The following KIF13B variants were observed in gnomAD, a reference collection of about 807,000 sequenced individuals.
KIF13B encodes the protein kinesin-like protein KIF13B.
Under a neutral mutation model 222.0 loss-of-function variants are expected in KIF13B, and 127 were observed. That is an observed-to-expected ratio of 0.57 (90% CI 0.50 to 0.66). The LOEUF (loss-of-function observed/expected upper bound fraction) is 0.66. Ranked by LOEUF, KIF13B falls within the 30% of genes least tolerant of loss-of-function variation. KIF13B has a pLI of 0.00. For synonymous variants in KIF13B, 976 were observed against 919.0 expected (o/e 1.06, Z -1.12); for missense variants, 2,173 against 2,379.0 (o/e 0.91, Z 1.80).
intron 29 of KIF13B, among the ~76,000 whole-genome samples, chr8:29,119,716 G>A (rs1240185639): frequency 6.6e-6 from 1 of 152,092 alleles, no homozygotes; most frequent in Admixed American, 6.6e-5. Context: ...TCACCCTCAG[G>A]CGCCAAGTTC....
chr8:29,092,683 C>T (rs949839904), intron 37 of KIF13B, 62 bp downstream of exon 37: 112 of 1,500,470 alleles, frequency 7.5e-5, no homozygotes, highest in South Asian at 7.1e-4. Flanking sequence ...CCAGCTTTGG[C>T]GCAACACAGA....
chr8:29,254,948 G>A (rs1056081331), intron 1 of KIF13B, among the ~76,000 whole-genome samples: 2 of 152,198 alleles, frequency 1.3e-5, no homozygotes, highest in Non-Finnish European at 2.9e-5. Context: ...ACAGAATGTT[G>A]TTCAGCTATA....
chr8:29,248,214 A>C (rs753083252), intron 1 of KIF13B, among the ~76,000 whole-genome samples: 11 of 152,226 alleles, frequency 7.2e-5, no homozygotes, highest in Non-Finnish European at 8.8e-5. Flanking sequence ...ATGAGAACAC[A>C]AAACTTGTAC....
Position 29,070,631 on chromosome 8 carries a change from G to C in KIF13B, c.5354C>G (p.Ala1785Gly). The part of the protein sequence containing the change: ...RRRSTGLRLG[A>G]PEARRSATLS... ...GGTGGCGCTCCGGCGGGCCTCGGGG[G>C]CACCCAGCCGGAGTCCTGTGCTGCG... Residue 1785 changes from alanine (A) to glycine (G), a missense_variant, in exon 40 of 40, where the codon GCC (alanine) becomes GGC (glycine). Physicochemically the swap from Ala to Gly is moderately conservative, Grantham distance 60 (BLOSUM62 0). Transcript: ENST00000524189. This position sits in a 1 kb window ranked among gnomAD's most constrained non-coding sequence, Gnocchi z 4.1. 6.4e-7 allele frequency: 1 copy of C among 1,571,424 alleles called. No homozygotes were observed. Among genetic ancestry groups the C allele is most frequent in the Non-Finnish European group, 8.6e-7 (1 of 1,158,216 alleles).
At position 29,142,314 on chromosome 8, in the gene KIF13B, A is replaced by G. The variant is rs889527066; in HGVS notation, c.2188-11T>C. The G allele has an allele frequency of 6.2e-7, 1 of 1,606,420 alleles. No individual in the cohort carries two copies. The highest frequency in any genetic ancestry group is 8.5e-7 in the Non-Finnish European group (1 of 1,176,148). ...AAGAAGAGAGCCTCGCTGCAAAGAG[A>G]GTAAGAATGACCGTGAGAAACACAC... On this transcript the variant is annotated splice_polypyrimidine_tract_variant and intron_variant, in intron 18 of 39. Coordinates refer to ENST00000524189, the MANE Select transcript of KIF13B (RefSeq NM_015254.4).
At chr8:29,203,784 C>T (rs1813803823) in intron 2 of KIF13B, among the ~76,000 whole-genome samples, 1 of 150,546 alleles carries the variant, frequency 6.6e-6, no homozygotes, top group Admixed American at 6.7e-5. Context: ...ATCCCAGCTA[C>T]TCAGGAGGCT....
At chr8:29,106,000 C>T (rs746185788) in intron 35 of KIF13B, among the ~76,000 whole-genome samples, 6 of 152,100 alleles carry the variant, frequency 3.9e-5, no homozygotes, top group Non-Finnish European at 5.9e-5. Flanking sequence ...TTTCAAGGAA[C>T]TTATAATTGG....
intron 10 of KIF13B, among the ~76,000 whole-genome samples, chr8:29,168,313 C>T (rs1438365694): frequency 6.6e-6 from 1 of 152,184 alleles, no homozygotes; most frequent in Non-Finnish European, 1.5e-5. Context: ...GAAAAACCAC[C>T]CTCACTTGAG....
intron 2 of KIF13B, among the ~76,000 whole-genome samples, chr8:29,233,874 G>A (rs185254764): frequency 1.3e-5 from 2 of 152,108 alleles, no homozygotes; most frequent in East Asian, 3.9e-4. Flanking sequence ...GTGTGTGTGT[G>A]TATTTTAATT....
intron 38 of KIF13B, among the ~76,000 whole-genome samples, chr8:29,073,153 GAGGAGGGGGA>G (rs1807391369): frequency 7.6e-6 from 1 of 132,214 alleles, no homozygotes; most frequent in Non-Finnish European, 1.6e-5. Context: ...GGAGGGGGAC[GAGGAGGGGGA>G]TGAGGAGGGG....
At chr8:29,167,239 A>G (rs1212368715) in intron 11 of KIF13B, 134 bp downstream of exon 11, 4 of 640,640 alleles carry the variant, frequency 6.2e-6, no homozygotes, top group African/African-American at 3.7e-5. Flanking sequence ...ACTCATCCCA[A>G]AGTTCTCTTG....
intron 2 of KIF13B, among the ~76,000 whole-genome samples, chr8:29,199,601 A>G (rs1813601889): frequency 6.6e-6 from 1 of 151,146 alleles, no homozygotes; most frequent in Admixed American, 6.6e-5. Context: ...AAAAAGAAAG[A>G]AATCCAAATC....
At chr8:29,239,928 G>A (rs1437109647) in intron 2 of KIF13B, among the ~76,000 whole-genome samples, 1 of 151,328 alleles carries the variant, frequency 6.6e-6, no homozygotes, top group Non-Finnish European at 1.5e-5. Context: ...CTCTCAAACT[G>A]CTGGGATTAC....
At chr8:29,259,745 G>A (rs550026852) in intron 1 of KIF13B, among the ~76,000 whole-genome samples, 5 of 152,250 alleles carry the variant, frequency 3.3e-5, no homozygotes, top group East Asian at 1.9e-4. Flanking sequence ...TGTTCTGTGC[G>A]GCACATGGAA....
Position 29,140,472 on chromosome 8 carries a change from C to T in KIF13B, c.2480G>A (p.Gly827Glu), listed in dbSNP as rs759577444. The T allele has an allele frequency of 5.6e-6, 9 of 1,613,348 alleles. No homozygotes were observed. The highest frequency in any genetic ancestry group is 6.8e-6 in the Non-Finnish European group (8 of 1,179,578). The change falls in exon 20 of 40, where the codon GGA becomes GAA. Residue 827 changes from glycine to glutamate, a missense_variant. Around this residue, in one of 2 missense-constraint regions of KIF13B, gnomAD observed 1,480 missense variants for 1,722.8 expected, o/e 0.86. Coordinates refer to ENST00000524189, the MANE Select transcript of KIF13B (RefSeq NM_015254.4). ...QYAVPIINQKGEVAGRLHVEV... is the reference protein window; with the variant it reads ...QYAVPIINQKEEVAGRLHVEV... ...AGGCATGAAGAGAAAACCAACCTCT[C>T]CTTTCTGGTTGATGATGGGAACAGC...
chr8:29,222,100 A>G (rs1041348275), intron 2 of KIF13B, among the ~76,000 whole-genome samples: 5 of 152,138 alleles, frequency 3.3e-5, no homozygotes, highest in African/African-American at 1.2e-4. Flanking sequence ...CAATCCCAGT[A>G]CTTTGGGAGG....
intron 1 of KIF13B, among the ~76,000 whole-genome samples, chr8:29,257,804 C>A (rs1334929661): frequency 6.6e-6 from 1 of 151,736 alleles, no homozygotes; most frequent in Non-Finnish European, 1.5e-5. Flanking sequence ...AGAGGGAGAC[C>A]CTGTCTCAAA....
At chr8:29,235,751 T>C (rs1468328585) in intron 2 of KIF13B, among the ~76,000 whole-genome samples, 1 of 152,178 alleles carries the variant, frequency 6.6e-6, no homozygotes, top group East Asian at 1.9e-4. Flanking sequence ...ATAAATGCTC[T>C]AGATTTGAAA....
intron 34 of KIF13B, among the ~76,000 whole-genome samples, chr8:29,108,906 T>C (rs916704931): frequency 6.6e-6 from 1 of 152,248 alleles, no homozygotes; most frequent in African/African-American, 2.4e-5. Context: ...AGAGCCTATT[T>C]CTTTGTGAAG....
Sources: gnomAD v4.1 joint callset for allele counts (sites outside exome capture counted in the v4.1 genomes callset) on GRCh38, gnomAD v4.1.1 for gene constraint, gnomAD v4.1.1 regional missense constraint, Gnocchi (gnomAD v3.1) non-coding constraint, MANE v1.5 for transcripts, NCBI Gene and HGNC (gene_info 2026-07-23, HGNC 2026-07-21) for gene names.